Variants in BICDL1 observed in about 807,000 individuals in gnomAD.
BICDL1 encodes the protein BICD family-like cargo adapter 1.
Under a neutral mutation model 76.8 loss-of-function variants are expected in BICDL1, and 20 were observed. The observed-to-expected ratio is 0.26, with a 90% CI of 0.18 to 0.38. The LOEUF (loss-of-function observed/expected upper bound fraction) is 0.38. Ranked by LOEUF, BICDL1 falls within the 10% of genes least tolerant of loss-of-function variation. The probability of loss-of-function intolerance (pLI) is 1.00; values close to 1 mark genes in which losing one functional copy is unlikely to be tolerated. For synonymous variants in BICDL1, 383 were observed against 337.1 expected (o/e 1.14, Z -1.49); for missense variants, 700 against 798.6 (o/e 0.88, Z 1.49).
At position 120,008,368 on chromosome 12, in the gene BICDL1, G is replaced by A. The variant is rs143499018; in HGVS notation, c.645+9632G>A. The stretch of plus-strand genomic sequence containing the variant: ...AGAGATGAGTTTCACCGTGCTGCCC[G>A]GGCTGGTCTTGAACTCCTGGGTTCA... On this transcript the variant is annotated intron_variant, in intron 2 of 9. Coordinates refer to ENST00000548673, the MANE Select transcript of BICDL1 (RefSeq NM_001367886.1). Among the ~76,000 whole-genome samples, 671 of 151,946 alleles carry A rather than the reference G, an allele frequency of 4.4e-3. 5 individuals are homozygous for A. Among genetic ancestry groups the A allele is most frequent in the African/African-American group, 0.016 (645 of 41,422 alleles).
At chr12:120,004,129 A>G (rs1387514008) in intron 2 of BICDL1, among the ~76,000 whole-genome samples, 3 of 152,228 alleles carry the variant, frequency 2.0e-5, no homozygotes, top group Non-Finnish European at 2.9e-5. Context: ...TGGCTTCTTC[A>G]AGAGTAAAAC....
intron 2 of BICDL1, among the ~76,000 whole-genome samples, chr12:120,057,786 C>A (rs1434723757): frequency 6.6e-6 from 1 of 150,922 alleles, no homozygotes; most frequent in African/African-American, 2.4e-5. Flanking sequence ...CCTCTATCTC[C>A]CTGCCCTGCA....
Position 120,094,098 on chromosome 12 carries a change from G to T in BICDL1, c.*937G>T. 1 of 423,098 alleles carries T rather than the reference G, an allele frequency of 2.4e-6. No homozygotes were observed. The highest frequency in any genetic ancestry group is 4.8e-6 in the Non-Finnish European group (1 of 209,172). 26.2% of individuals were successfully genotyped at this position (423,098 alleles called of 1,614,324 possible). ...CAGCACAGGCACCACGGGGTGGAGG[G>T]GAGGGGGAGGCTGCCGGAAGCCTCC... On this transcript the variant is annotated 3_prime_UTR_variant, in exon 10 of 10. Transcript: ENST00000548673.
intron 2 of BICDL1, among the ~76,000 whole-genome samples, chr12:120,007,617 CAAAG>C (rs1951874403): frequency 6.6e-6 from 1 of 152,186 alleles, no homozygotes; most frequent in African/African-American, 2.4e-5. Flanking sequence ...TATCCACACA[CAAAG>C]AATACAGTTT....
chr12:120,092,725 C>G, intron 9 of BICDL1: 1 of 985,448 alleles, frequency 1.0e-6, no homozygotes, highest in Non-Finnish European at 1.2e-6. Context: ...ACCACCCGAG[C>G]CATCAGCTGA....
chr12:119,990,542 C>G (rs192944534), intron 1 of BICDL1, among the ~76,000 whole-genome samples: 146 of 152,302 alleles, frequency 9.6e-4, no homozygotes, highest in African/African-American at 3.4e-3. Flanking sequence ...GTTCTATATA[C>G]GTACTGTACC....
intron 9 of BICDL1, chr12:120,091,501 C>G: frequency 6.1e-6 from 6 of 987,008 alleles, no homozygotes; most frequent in Non-Finnish European, 7.2e-6. Context: ...GGATCATATA[C>G]TAGACCCTTA....
chr12:120,041,631 G>T (rs1952644085), intron 2 of BICDL1, among the ~76,000 whole-genome samples: 1 of 152,198 alleles, frequency 6.6e-6, no homozygotes, highest in Non-Finnish European at 1.5e-5. Flanking sequence ...GGGCGGCACA[G>T]GTAGGGTTAG....
intron 2 of BICDL1, among the ~76,000 whole-genome samples, chr12:120,059,301 G>A (rs1012782876): frequency 4.6e-5 from 7 of 151,964 alleles, no homozygotes; most frequent in African/African-American, 9.7e-5. Flanking sequence ...ACTGAGTCTC[G>A]CTCTGTAGCC....
intron 4 of BICDL1, among the ~76,000 whole-genome samples, chr12:120,067,253 C>T (rs900166193): frequency 4.6e-5 from 7 of 152,352 alleles, no homozygotes; most frequent in Admixed American, 3.3e-4. Context: ...CTAGTCCCAG[C>T]GACTGGGTGG....
At chr12:120,014,264 A>T (rs2138679576) in intron 2 of BICDL1, among the ~76,000 whole-genome samples, 1 of 152,388 alleles carries the variant, frequency 6.6e-6, no homozygotes, top group Admixed American at 6.5e-5. Flanking sequence ...AGTTACTTCA[A>T]GTCAACTCGA....
chr12:120,025,406 CT>C (rs1389422357), intron 2 of BICDL1, among the ~76,000 whole-genome samples: 1 of 152,156 alleles, frequency 6.6e-6, no homozygotes, highest in African/African-American at 2.4e-5. Flanking sequence ...GACAGAAGCT[CT>C]TGTTTCTGGT....
At chr12:120,016,759 A>T (rs1594119041) in intron 2 of BICDL1, among the ~76,000 whole-genome samples, 1 of 152,014 alleles carries the variant, frequency 6.6e-6, no homozygotes, top group Non-Finnish European at 1.5e-5. Flanking sequence ...CTTATTTTCA[A>T]AGAAGCTTGT....
intron 2 of BICDL1, among the ~76,000 whole-genome samples, chr12:120,006,288 G>C (rs1044961969): frequency 6.6e-6 from 1 of 152,178 alleles, no homozygotes; most frequent in African/African-American, 2.4e-5. Flanking sequence ...TAAGCAAGAC[G>C]TATTTGTTTT....
intron 2 of BICDL1, chr12:120,056,986 T>G (rs1952988332): frequency 2.1e-6 from 1 of 477,530 alleles, no homozygotes; most frequent in African/African-American, 2.0e-5. Flanking sequence ...CTGGGTTGGA[T>G]AGGAGCCCAG....
In BICDL1 at chr12:119,990,154, G is replaced by A. The variant is rs1259912720; in HGVS notation, c.286G>A (p.Asp96Asn). The A allele has an allele frequency of 1.3e-6, 2 of 1,551,486 alleles. No individual in the cohort carries two copies. The highest frequency in any genetic ancestry group is 2.0e-5 in the Admixed American group (1 of 51,096). ...GAGPQPPPSQDPELLSVIRQK... is the reference protein window; with the variant it reads ...GAGPQPPPSQNPELLSVIRQK... ...CGGACCGCAGCCGCCGCCCTCCCAGGACCCCGAGCTGCTGTCGGTGATCCG... is the reference window on the plus strand; with the variant it reads ...CGGACCGCAGCCGCCGCCCTCCCAGAACCCCGAGCTGCTGTCGGTGATCCG... Residue 96 changes from aspartate (D) to asparagine (N), a missense_variant, in exon 1 of 10, where the codon GAC (aspartate) becomes AAC (asparagine). Transcript: ENST00000548673.
chr12:119,999,680 C>T, intron 2 of BICDL1: 1 of 321,038 alleles, frequency 3.1e-6, no homozygotes, highest in Non-Finnish European at 6.0e-6. Flanking sequence ...AGATGGAAAT[C>T]TAATTTAAAT....
At chr12:120,058,651 C>T (rs1242921773) in intron 2 of BICDL1, among the ~76,000 whole-genome samples, 3 of 144,490 alleles carry the variant, frequency 2.1e-5, no homozygotes, top group East Asian at 2.1e-4. Flanking sequence ...AGTGCAGTGG[C>T]GCGATCTTGG....
At chr12:120,000,241 G>C (rs1345151693) in intron 2 of BICDL1, 1 of 154,346 alleles carries the variant, frequency 6.5e-6, no homozygotes, top group Non-Finnish European at 1.4e-5. Flanking sequence ...TCAGGCAATA[G>C]GTAGAGCTAA....
Sources: allele counts gnomAD v4.1 joint callset (sites outside exome capture counted in the v4.1 genomes callset), GRCh38; gene constraint gnomAD v4.1.1; transcripts MANE v1.5; gene names NCBI Gene and HGNC (gene_info 2026-07-23, HGNC 2026-07-21).